ST6GALNAC5: variants seen among roughly 807,000 people sequenced by gnomAD.
The protein encoded by ST6GALNAC5 is alpha-N-acetylgalactosaminide alpha-2,6-sialyltransferase 5.
ST6GALNAC5 carries 27 observed loss-of-function variants against 33.6 expected under a neutral mutation model. The observed-to-expected ratio is 0.80, with a 90% CI of 0.59 to 1.11. The LOEUF (loss-of-function observed/expected upper bound fraction) is 1.11. Among genes scored for constraint, ST6GALNAC5 ranks in the 50% least tolerant of loss-of-function variants. The pLI is 0.00. For missense variants in ST6GALNAC5, 428 were observed against 454.0 expected (o/e 0.94, Z 0.52); for synonymous variants, 194 against 171.2 (o/e 1.13, Z -1.04).
intron 2 of ST6GALNAC5, among the ~76,000 whole-genome samples, chr1:76,931,577 A>T (rs1281584622): frequency 6.6e-6 from 1 of 152,138 alleles, no homozygotes; most frequent in Non-Finnish European, 1.5e-5. Flanking sequence ...AGAATCAGTC[A>T]CTATATTTAT....
rs764999551 is a variant in ST6GALNAC5 at position 77,063,224 on chromosome 1, C to T, written c.*18C>T. 17 of 1,606,858 alleles carry T rather than the reference C, an allele frequency of 1.1e-5. No homozygotes were observed. Among genetic ancestry groups the T allele is most frequent in the Admixed American group, 1.7e-5 (1 of 59,886 alleles). Reference sequence around the variant, plus strand: ...TGTTCTAAGGAATGAGCATGCCAGACTGTAATCCCAGGTATTCACTGCATC... The same window carrying T: ...TGTTCTAAGGAATGAGCATGCCAGATTGTAATCCCAGGTATTCACTGCATC... On this transcript the variant is annotated 3_prime_UTR_variant, in exon 5 of 5. Transcript: ENST00000477717.
At chr1:76,941,910 T>C (rs1647348470) in intron 2 of ST6GALNAC5, among the ~76,000 whole-genome samples, 1 of 152,108 alleles carries the variant, frequency 6.6e-6, no homozygotes, top group African/African-American at 2.4e-5. Flanking sequence ...AGCTGCAAGG[T>C]GGCCCTCCTC....
intron 2 of ST6GALNAC5, among the ~76,000 whole-genome samples, chr1:76,908,350 C>A (rs1236152509): frequency 2.0e-5 from 3 of 152,058 alleles, no homozygotes; most frequent in Non-Finnish European, 4.4e-5. Context: ...GTGGAAGGGG[C>A]AAAGCAGCTC....
In ST6GALNAC5 at chr1:77,016,117, T is replaced by C. The variant is rs369221131; in HGVS notation, c.262-28087T>C. Reference sequence around the variant, plus strand: ...CCCTCATGCTCCTGTATCTCCTCCCTCTCCTCCTCCTGTATCTCCTCCCTC... The same window carrying C: ...CCCTCATGCTCCTGTATCTCCTCCCCCTCCTCCTCCTGTATCTCCTCCCTC... On this transcript the variant is annotated intron_variant, in intron 2 of 4. Coordinates refer to ENST00000477717, the MANE Select transcript of ST6GALNAC5 (RefSeq NM_030965.3). Among the ~76,000 whole-genome samples, 642 of 77,390 alleles carry C rather than the reference T, an allele frequency of 8.3e-3. 5 individuals carry two copies. The highest frequency in any genetic ancestry group is 0.022 in the African/African-American group (393 of 18,216). The allele number at this position is 77,390 out of a possible 152,430, so 50.8% of individuals were successfully genotyped here. A position where few individuals can be genotyped will look rare whatever the true frequency, so the allele number is the denominator to read the frequency against.
At chr1:76,869,257 G>T (rs1653440689) in intron 2 of ST6GALNAC5, among the ~76,000 whole-genome samples, 1 of 152,166 alleles carries the variant, frequency 6.6e-6, no homozygotes, top group Admixed American at 6.5e-5. Context: ...GGGGAGTGGT[G>T]CCCAGGCAGG....
chr1:76,914,549 T>A (rs954349849), intron 2 of ST6GALNAC5, among the ~76,000 whole-genome samples: 32 of 152,110 alleles, frequency 2.1e-4, no homozygotes, highest in Non-Finnish European at 3.8e-4. Flanking sequence ...TATCTACAAC[T>A]ATCTGATCTT....
chr1:76,984,523 A>T (rs1456299145), intron 2 of ST6GALNAC5, among the ~76,000 whole-genome samples: 1 of 152,238 alleles, frequency 6.6e-6, no homozygotes. Flanking sequence ...GCAATAATTA[A>T]TAGCCTACCA....
chr1:76,958,752 C>T (rs887165552), intron 2 of ST6GALNAC5, among the ~76,000 whole-genome samples: 1 of 151,950 alleles, frequency 6.6e-6, no homozygotes, highest in Non-Finnish European at 1.5e-5. Flanking sequence ...ATATGGCCTC[C>T]TTCCTCATTG....
chr1:76,908,785 T>TTCATTACCTTCAAA (rs2100276381), intron 2 of ST6GALNAC5, among the ~76,000 whole-genome samples: 1 of 152,292 alleles, frequency 6.6e-6, no homozygotes, highest in South Asian at 2.1e-4. Flanking sequence ...CTTCAAAGCC[T>TTCATTACCTTCAAA]GCCGCATTAC....
chr1:76,877,598 A>G (rs1653676134), intron 2 of ST6GALNAC5, among the ~76,000 whole-genome samples: 1 of 152,256 alleles, frequency 6.6e-6, no homozygotes, highest in South Asian at 2.1e-4. Context: ...TTACTGAGGT[A>G]GAAGTTCCCT....
chr1:77,020,299 G>A (rs1450314992), intron 2 of ST6GALNAC5, among the ~76,000 whole-genome samples: 1 of 152,208 alleles, frequency 6.6e-6, no homozygotes, highest in African/African-American at 2.4e-5. Flanking sequence ...TCGTTAGGCA[G>A]TCCAAAGTAT....
intron 2 of ST6GALNAC5, among the ~76,000 whole-genome samples, chr1:76,962,437 A>G (rs1184579256): frequency 6.6e-6 from 1 of 152,232 alleles, no homozygotes; most frequent in Admixed American, 6.5e-5. Context: ...TTCAAAGCTC[A>G]ATGACTGTAT....
At chr1:76,933,968 T>C (rs1460705999) in intron 2 of ST6GALNAC5, among the ~76,000 whole-genome samples, 1 of 152,018 alleles carries the variant, frequency 6.6e-6, no homozygotes, top group Non-Finnish European at 1.5e-5. Flanking sequence ...AAAATACACA[T>C]AATGCCACTT....
At chr1:76,892,083 T>C (rs1252902812) in intron 2 of ST6GALNAC5, among the ~76,000 whole-genome samples, 1 of 152,206 alleles carries the variant, frequency 6.6e-6, no homozygotes, top group East Asian at 1.9e-4. Flanking sequence ...TAAAATTCCG[T>C]CTGCTTTGTT....
rs558900924 is a variant in ST6GALNAC5, at chr1:77,029,032, T to C, written c.262-15172T>C. ...CGTGGGTGGTGGTCCAGTGTGGGCA[T>C]GTGTAGAGTTCTTGAAATGGATCAG... On this transcript the variant is annotated intron_variant, in intron 2 of 4. Coordinates refer to ENST00000477717, the MANE Select transcript of ST6GALNAC5 (RefSeq NM_030965.3). 9.9e-5 allele frequency among the ~76,000 whole-genome samples: 15 copies of C among 152,266 alleles called. No homozygotes were observed. In the East Asian group the frequency reaches 2.7e-3, roughly 27 times the overall value.
chr1:77,025,964 G>T (rs1030612942), intron 2 of ST6GALNAC5, among the ~76,000 whole-genome samples: 1 of 152,188 alleles, frequency 6.6e-6, no homozygotes, highest in Non-Finnish European at 1.5e-5. Flanking sequence ...GCTGATTTCA[G>T]GAAAGAAGAT....
intron 2 of ST6GALNAC5, among the ~76,000 whole-genome samples, chr1:76,895,613 G>T (rs1654113092): frequency 6.6e-6 from 1 of 152,200 alleles, no homozygotes; most frequent in African/African-American, 2.4e-5. Flanking sequence ...TGCCAGCAAA[G>T]ATTATTTATT....
intron 2 of ST6GALNAC5, among the ~76,000 whole-genome samples, chr1:77,008,079 T>C (rs1456668824): frequency 6.6e-6 from 1 of 152,228 alleles, no homozygotes. Context: ...AGCACTAGTT[T>C]GTTGGAAAAT....
At chr1:76,996,204 T>G (rs1196542145) in intron 2 of ST6GALNAC5, among the ~76,000 whole-genome samples, 1 of 152,164 alleles carries the variant, frequency 6.6e-6, no homozygotes, top group African/African-American at 2.4e-5. Flanking sequence ...TTCTAACCCT[T>G]AGCCAGACCA....
Sources: gnomAD v4.1 joint callset for allele counts (sites outside exome capture counted in the v4.1 genomes callset) on GRCh38, gnomAD v4.1.1 for gene constraint, MANE v1.5 for transcripts, NCBI Gene and HGNC (gene_info 2026-07-23, HGNC 2026-07-21) for gene names.